Variants in MTPN observed in about 807,000 individuals in gnomAD.
MTPN encodes granule cell differentiation protein.
MTPN carries 2 observed loss-of-function variants against 13.5 expected under a neutral mutation model. The ratio of observed to expected loss-of-function variants is 0.15; its 90% CI spans 0.06 to 0.47. The LOEUF (loss-of-function observed/expected upper bound fraction) is 0.47. Ranked by LOEUF, MTPN falls within the 20% of genes least tolerant of loss-of-function variation. The probability of loss-of-function intolerance (pLI) is 0.97; values close to 1 mark genes in which losing one functional copy is unlikely to be tolerated. For synonymous variants in MTPN, 46 were observed against 51.7 expected (o/e 0.89, Z 0.48); for missense variants, 79 against 137.9 (o/e 0.57, Z 2.14).
At chr7:135,945,641 G>C (rs78366376) in intron 3 of MTPN, among the ~76,000 whole-genome samples, 12 of 152,144 alleles carry the variant, frequency 7.9e-5, no homozygotes, top group African/African-American at 2.9e-4. Context: ...CTGTCAACTC[G>C]TATGATAAAA....
Position 135,928,778 on chromosome 7 carries a change from TA to T in MTPN, c.*1147del, listed in dbSNP as rs1798967921. On this transcript the variant is annotated 3_prime_UTR_variant, in exon 4 of 4. Coordinates refer to ENST00000393085, the MANE Select transcript of MTPN (RefSeq NM_145808.4). ...CACACTTTATGTAATGCATGATTTA[TA>T]AAAGCAACAAAAATATATTATGCAG... 1 of 167,064 alleles carries T rather than the reference TA, an allele frequency of 6.0e-6. No homozygotes were observed. The highest frequency in any genetic ancestry group is 1.9e-4 in the East Asian group (1 of 5,208). 10.3% of individuals were successfully genotyped at this position (167,064 alleles called of 1,614,324 possible).
intron 3 of MTPN, among the ~76,000 whole-genome samples, chr7:135,936,014 G>T (rs1197500983): frequency 6.6e-6 from 1 of 151,992 alleles, no homozygotes; most frequent in East Asian, 1.9e-4. Flanking sequence ...CTTCCTTCGG[G>T]TCTTTACACA....
At chr7:135,976,599 T>C (rs1042361109) in intron 1 of MTPN, among the ~76,000 whole-genome samples, 2 of 152,164 alleles carry the variant, frequency 1.3e-5, no homozygotes, top group South Asian at 2.1e-4. Flanking sequence ...AAAAACATGT[T>C]CCTCTGATCC....
chr7:135,975,900 C>G (rs1799766319), intron 1 of MTPN, among the ~76,000 whole-genome samples: 1 of 152,180 alleles, frequency 6.6e-6, no homozygotes. Flanking sequence ...TTGCACAATC[C>G]TGTAAGTTTT....
chr7:135,949,782 T>C (rs529625577), intron 3 of MTPN, among the ~76,000 whole-genome samples: 1 of 152,348 alleles, frequency 6.6e-6, no homozygotes, highest in African/African-American at 2.4e-5. Context: ...GTGCTTACTA[T>C]GTATCAGGCA....
intron 3 of MTPN, among the ~76,000 whole-genome samples, chr7:135,940,633 C>T (rs1013308519): frequency 7.2e-5 from 11 of 152,252 alleles, no homozygotes; most frequent in African/African-American, 2.2e-4. Flanking sequence ...TCAACAAATA[C>T]GAAAACTAGA....
At chr7:135,958,822 C>T (rs1799481710) in intron 1 of MTPN, among the ~76,000 whole-genome samples, 2 of 152,172 alleles carry the variant, frequency 1.3e-5, no homozygotes, top group African/African-American at 4.8e-5. Flanking sequence ...ACACTTTCAT[C>T]CAATCATCCT....
At chr7:135,936,159 G>A (rs930065372) in intron 3 of MTPN, among the ~76,000 whole-genome samples, 6 of 152,110 alleles carry the variant, frequency 3.9e-5, no homozygotes, top group Non-Finnish European at 8.8e-5. Context: ...CCAAGGCCTT[G>A]CACAGGCCCA....
intron 1 of MTPN, among the ~76,000 whole-genome samples, chr7:135,970,764 T>G (rs1486175103): frequency 6.6e-6 from 1 of 152,128 alleles, no homozygotes; most frequent in Admixed American, 6.5e-5. Context: ...TTTTATATAT[T>G]TTTTAAAATG....
In MTPN at chr7:135,947,082, G is replaced by A. The variant is rs560324733; in HGVS notation, c.270+3517C>T. Among the ~76,000 whole-genome samples, 25 of 152,110 alleles carry A rather than the reference G, an allele frequency of 1.6e-4. No individual in the cohort carries two copies. The South Asian group carries it at 3.1e-3, about 19-fold the overall frequency. ...CATCTCATATTATTTACCTTATTTG[G>A]TTCTAGCTTATTTTTTAAAAACTTC... On this transcript the variant is annotated intron_variant, in intron 3 of 3. Coordinates refer to ENST00000393085, the MANE Select transcript of MTPN (RefSeq NM_145808.4).
intron 3 of MTPN, among the ~76,000 whole-genome samples, chr7:135,945,783 A>G (rs28439370): frequency 0.02 from 3,001 of 152,286 alleles, 100 homozygotes; most frequent in African/African-American, 0.07. Context: ...ACATAAACAT[A>G]TAACACAGTC....
At chr7:135,948,869 A>T (rs1461087688) in intron 3 of MTPN, among the ~76,000 whole-genome samples, 2 of 152,166 alleles carry the variant, frequency 1.3e-5, no homozygotes, top group Non-Finnish European at 2.9e-5. Context: ...GCAAAAAATG[A>T]TCCCATGGAG....
intron 3 of MTPN, among the ~76,000 whole-genome samples, chr7:135,950,360 G>C (rs146677330): frequency 2.4e-4 from 36 of 152,270 alleles, no homozygotes; most frequent in Non-Finnish European, 4.9e-4. Flanking sequence ...GTGTGTGTGT[G>C]TGTAAAATAT....
Position 135,926,761 on chromosome 7 carries a change from G to A in MTPN, c.*3165C>T, listed in dbSNP as rs1798926205. On this transcript the variant is annotated 3_prime_UTR_variant, in exon 4 of 4. Coordinates refer to ENST00000393085, the MANE Select transcript of MTPN (RefSeq NM_145808.4). ...GAAAAATGCTGCTGACACATTAGCT[G>A]TAGCACAATTCAAGTTTATTCCATT... 1 of 152,616 alleles carries A rather than the reference G, an allele frequency of 6.6e-6. No individual in the cohort carries two copies. Among genetic ancestry groups the A allele is most frequent in the Non-Finnish European group, 1.5e-5 (1 of 68,068 alleles). The allele number at this position is 152,616 out of a possible 1,614,324, so 9.5% of individuals were successfully genotyped here. A position where few individuals can be genotyped will look rare whatever the true frequency, so the allele number is the denominator to read the frequency against.
intron 3 of MTPN, among the ~76,000 whole-genome samples, chr7:135,949,772 G>GTGCT (rs558109375): frequency 4.1e-4 from 63 of 152,276 alleles, no homozygotes; most frequent in African/African-American, 1.5e-3. Flanking sequence ...TACTTATTGA[G>GTGCT]TGCTTACTAT....
chr7:135,953,309 T>C (rs1032970206), intron 1 of MTPN, among the ~76,000 whole-genome samples: 1 of 152,160 alleles, frequency 6.6e-6, no homozygotes, highest in South Asian at 2.1e-4. Flanking sequence ...CCTTACAACT[T>C]TGTGTATGCC....
chr7:135,935,736 T>C (rs1323099536), intron 3 of MTPN, among the ~76,000 whole-genome samples: 3 of 152,336 alleles, frequency 2.0e-5, no homozygotes, highest in South Asian at 4.1e-4. Flanking sequence ...TGCTAAATCC[T>C]TTCTACCTGA....
Position 135,927,797 on chromosome 7 carries a change from C to A in MTPN, c.*2129G>T. ...AGGCGAAATAGCCTCTACTGCATTA[C>A]AAGCAACATCAGGATAAACTGTACA... On this transcript the variant is annotated 3_prime_UTR_variant, in exon 4 of 4. Coordinates refer to ENST00000393085, the MANE Select transcript of MTPN (RefSeq NM_145808.4). The A allele has an allele frequency of 2.3e-6, 1 of 443,050 alleles. No individual in the cohort carries two copies. The highest frequency in any genetic ancestry group is 1.7e-5 in the South Asian group (1 of 58,532). The allele number at this position is 443,050 out of a possible 1,614,324, so 27.4% of individuals were successfully genotyped here. A position where few individuals can be genotyped will look rare whatever the true frequency, so the allele number is the denominator to read the frequency against.
intron 1 of MTPN, among the ~76,000 whole-genome samples, chr7:135,969,238 T>TAAAA (rs57871609): frequency 3.7e-5 from 4 of 109,100 alleles, no homozygotes; most frequent in African/African-American, 1.0e-4. Context: ...TAAAGTATAA[T>TAAAA]AAAAAAAAAA....
Sources: gnomAD v4.1 joint callset for allele counts (sites outside exome capture counted in the v4.1 genomes callset) on GRCh38, gnomAD v4.1.1 for gene constraint, MANE v1.5 for transcripts, NCBI Gene and HGNC (gene_info 2026-07-23, HGNC 2026-07-21) for gene names.